CSMD3: variants seen among roughly 807,000 people sequenced by gnomAD.
CSMD3 encodes the protein CUB and Sushi multiple domains 3.
A neutral mutation model predicts 435.2 loss-of-function variants in CSMD3; 177 were observed. That is an observed-to-expected ratio of 0.41 (90% CI 0.36 to 0.46). The LOEUF (loss-of-function observed/expected upper bound fraction) is 0.46, where lower values mean the gene tolerates loss of function less well. Among genes scored for constraint, CSMD3 ranks in the 20% least tolerant of loss-of-function variants. CSMD3 has a pLI of 0.34. For synonymous variants in CSMD3, 1,656 were observed against 1,520.5 expected (o/e 1.09, Z -2.07); for missense variants, 4,265 against 4,504.6 (o/e 0.95, Z 1.52).
chr8:113,244,784 G>A (rs1396286565), intron 3 of CSMD3, among the ~76,000 whole-genome samples: 1 of 151,894 alleles, frequency 6.6e-6, no homozygotes, highest in Admixed American at 6.6e-5. Flanking sequence ...GTTTTTGAGT[G>A]GAGTGTTCTG....
intron 3 of CSMD3, among the ~76,000 whole-genome samples, chr8:113,207,122 C>G (rs1227773314): frequency 1.3e-5 from 2 of 152,148 alleles, no homozygotes; most frequent in African/African-American, 4.8e-5. Context: ...CACTAAACCA[C>G]TAATTCATTG....
chr8:112,780,217 T>C (rs1030021327), intron 13 of CSMD3, among the ~76,000 whole-genome samples: 1 of 152,038 alleles, frequency 6.6e-6, no homozygotes, highest in Non-Finnish European at 1.5e-5. Context: ...TGTGAAGCAA[T>C]ATAGTACAAT....
At position 112,666,271 on chromosome 8, in the gene CSMD3, T is replaced by C; in HGVS notation, c.2816+6A>G. ...TCTTTAAAAGTAGGAAAAATATTTG[T>C]GAGACCTTTCAAATGTAATTTTGAT... is the stretch of plus-strand genomic sequence containing the variant. On this transcript the variant is annotated splice_donor_region_variant and intron_variant, in intron 17 of 70. Transcript: ENST00000297405. 1 of 1,603,578 alleles carries C rather than the reference T, an allele frequency of 6.2e-7. No individual in the cohort carries two copies. Among genetic ancestry groups the C allele is most frequent in the Non-Finnish European group, 8.5e-7 (1 of 1,171,696 alleles).
chr8:113,354,177 T>C (rs2094207121), intron 1 of CSMD3, among the ~76,000 whole-genome samples: 1 of 152,290 alleles, frequency 6.6e-6, no homozygotes, highest in South Asian at 2.1e-4. Flanking sequence ...AAGTGTGCCC[T>C]TGACTTCTAC....
rs1312222121 is a variant in CSMD3, at chr8:112,736,344, C to A, written c.1973-46294G>T. Among the ~76,000 whole-genome samples the A allele has an allele frequency of 2.0e-5, 3 of 151,962 alleles. No homozygotes were observed. The East Asian group carries it at 5.8e-4, about 29-fold the overall frequency. On this transcript the variant is annotated intron_variant, in intron 13 of 70. Coordinates refer to ENST00000297405, the MANE Select transcript of CSMD3 (RefSeq NM_198123.2). Reference sequence around the variant, plus strand: ...TGGTAACTCAGCTAAAATCCCCTTCCCATGTTATCTAGGTTTAATCATGCT... The same window carrying A: ...TGGTAACTCAGCTAAAATCCCCTTCACATGTTATCTAGGTTTAATCATGCT...
chr8:112,837,590 A>G (rs2080064145), intron 11 of CSMD3, among the ~76,000 whole-genome samples: 1 of 151,968 alleles, frequency 6.6e-6, no homozygotes, highest in South Asian at 2.1e-4. Flanking sequence ...CTTGATATAT[A>G]GTAGGACCTC....
intron 27 of CSMD3, among the ~76,000 whole-genome samples, chr8:112,528,122 T>C (rs1825161664): frequency 6.6e-6 from 1 of 152,152 alleles, no homozygotes; most frequent in Non-Finnish European, 1.5e-5. Context: ...AGTTGCAAGT[T>C]CATCACCACT....
chr8:112,426,385 A>G (rs1182021653), intron 32 of CSMD3, among the ~76,000 whole-genome samples: 1 of 152,116 alleles, frequency 6.6e-6, no homozygotes, highest in Non-Finnish European at 1.5e-5. Flanking sequence ...TAATTATTTT[A>G]CTGTTAAGTA....
At chr8:113,240,567 C>T (rs1158430362) in intron 3 of CSMD3, among the ~76,000 whole-genome samples, 4 of 152,080 alleles carry the variant, frequency 2.6e-5, no homozygotes, top group African/African-American at 9.7e-5. Context: ...GTTTCTGCAT[C>T]AGTAATTAAT....
intron 27 of CSMD3, among the ~76,000 whole-genome samples, chr8:112,545,763 C>A (rs1827132012): frequency 6.6e-6 from 1 of 152,030 alleles, no homozygotes; most frequent in South Asian, 2.1e-4. Context: ...AATTACTGAG[C>A]ACTGCAAACT....
intron 3 of CSMD3, among the ~76,000 whole-genome samples, chr8:113,268,746 G>T (rs149446339): frequency 2.3e-3 from 354 of 152,080 alleles, no homozygotes; most frequent in Non-Finnish European, 4.3e-3. Context: ...TTAATTAATT[G>T]TTTATTCCAC....
intron 10 of CSMD3, among the ~76,000 whole-genome samples, chr8:112,870,189 A>G (rs2081092103): frequency 6.6e-6 from 1 of 152,068 alleles, no homozygotes; most frequent in African/African-American, 2.4e-5. Flanking sequence ...TCACATGAAA[A>G]AAAAAACTCA....
At chr8:113,254,779 TTC>T (rs1360695218) in intron 3 of CSMD3, among the ~76,000 whole-genome samples, 4 of 152,202 alleles carry the variant, frequency 2.6e-5, no homozygotes, top group African/African-American at 7.2e-5. Flanking sequence ...ATTCTGGAAA[TTC>T]TGTTTTATCT....
chr8:112,594,430 C>G lies in CSMD3; in HGVS notation c.3716-7195G>C, dbSNP rs376760616. Among the ~76,000 whole-genome samples the G allele has an allele frequency of 3.5e-4, 53 of 151,856 alleles. 1 individual carries two copies. The highest frequency in any genetic ancestry group is 1.3e-3 in the African/African-American group (52 of 41,440). On this transcript the variant is annotated intron_variant, in intron 22 of 70. Coordinates refer to ENST00000297405, the MANE Select transcript of CSMD3 (RefSeq NM_198123.2). ...TGAGATCAAACTGCAAGGCGGCAGC[C>G]AGGCTGGGGGAGGGGCGCCCGCCAT...
chr8:113,265,080 T>C (rs1021641172), intron 3 of CSMD3, among the ~76,000 whole-genome samples: 1 of 151,648 alleles, frequency 6.6e-6, no homozygotes, highest in Non-Finnish European at 1.5e-5. Flanking sequence ...TTTATACATG[T>C]TGCTAAACGT....
Position 112,666,407 on chromosome 8 carries a change from C to T in CSMD3, c.2686G>A (p.Gly896Ser). Reference sequence around the variant, plus strand: ...CCACTGGGAGCTGAAAAATGGCCACCACATGGGGCTGAAAAATTAAATCAG... The same window carrying T: ...CCACTGGGAGCTGAAAAATGGCCACTACATGGGGCTGAAAAATTAAATCAG... ...GLIPKCGAPC[G>S]GHFSAPSGVI... Residue 896 changes from glycine to serine, a missense_variant, in exon 17 of 71, where the codon GGT (glycine) becomes AGT (serine). Gly to Ser is a moderately conservative substitution (Grantham distance 56, BLOSUM62 0). This residue lies in a region of CSMD3 where 279 missense variants were observed against 369.0 expected (regional missense o/e 0.76). Transcript: ENST00000297405. 1.9e-6 allele frequency: 3 copies of T among 1,612,126 alleles called. No individual in the cohort carries two copies. The highest frequency in any genetic ancestry group is 2.5e-6 in the Non-Finnish European group (3 of 1,178,978).
chr8:113,065,106 A>G (rs2088795776), intron 5 of CSMD3, among the ~76,000 whole-genome samples: 1 of 152,348 alleles, frequency 6.6e-6, no homozygotes, highest in East Asian at 1.9e-4. Context: ...AAATGAGCTA[A>G]TTAGGTATAA....
Position 112,577,425 on chromosome 8 carries a change from T to C in CSMD3, c.3886-3768A>G, listed in dbSNP as rs1830029256. ...TTGGGTCTGACTAGAGCCGTAGGAC[T>C]TTTATTTGAGACTCTTAGTGCTCAT... On this transcript the variant is annotated intron_variant, in intron 23 of 70. Transcript: ENST00000297405. Among the ~76,000 whole-genome samples, 4 of 152,088 alleles carry C rather than the reference T, an allele frequency of 2.6e-5. No homozygotes were observed. In the South Asian group the frequency reaches 8.3e-4, roughly 32 times the overall value.
At position 112,223,568 on chromosome 8, in the gene CSMD3, C is replaced by G. The variant is rs891324602; in HGVS notation, c.*1203G>C. On this transcript the variant is annotated 3_prime_UTR_variant, in exon 71 of 71. Transcript: ENST00000297405. The stretch of plus-strand genomic sequence containing the variant: ...CTTAATTTGACAATGAAAGAAACCT[C>G]TTGTATGTGAAACTTGGTGTTTAAC... 6.6e-6 allele frequency: 1 copy of G among 152,652 alleles called. No individual in the cohort carries two copies. Among genetic ancestry groups the G allele is most frequent in the African/African-American group, 2.4e-5 (1 of 41,430 alleles). The allele number at this position is 152,652 out of a possible 1,614,324, so 9.5% of individuals were successfully genotyped here.
Sources: gnomAD v4.1 joint callset for allele counts (sites outside exome capture counted in the v4.1 genomes callset) on GRCh38, gnomAD v4.1.1 for gene constraint, gnomAD v4.1.1 regional missense constraint, MANE v1.5 for transcripts, NCBI Gene and HGNC (gene_info 2026-07-23, HGNC 2026-07-21) for gene names.